The following TOP1 variants were observed in gnomAD, a reference collection of about 807,000 sequenced individuals.
The protein encoded by TOP1 is DNA topoisomerase I, also known as DNA topoisomerase 1.
Under a neutral mutation model 111.1 loss-of-function variants are expected in TOP1, and 10 were observed. The observed-to-expected ratio is 0.09, with a 90% CI of 0.06 to 0.15. The LOEUF is 0.15. Among genes scored for constraint, TOP1 ranks in the 10% least tolerant of loss-of-function variants. The pLI, the probability that TOP1 is intolerant of heterozygous loss-of-function variation, is 1.00. For missense variants in TOP1, 474 were observed against 926.7 expected (o/e 0.51, Z 6.34); for synonymous variants, 271 against 302.9 (o/e 0.89, Z 1.10).
intron 3 of TOP1, among the ~76,000 whole-genome samples, 180 bp from the exon 4 acceptor site, chr20:41,075,986 AAAAAT>A (rs1306917166): frequency 2.6e-5 from 4 of 152,224 alleles, no homozygotes; most frequent in Admixed American, 6.5e-5. Flanking sequence ...TGTTCTTTGC[AAAAAT>A]AAAAACATCA....
rs2122578595 is a variant in TOP1 at position 41,029,500 on chromosome 20, G to A, written c.58+45G>A. On this transcript the variant is annotated intron_variant, in intron 2 of 20. Coordinates refer to ENST00000361337, the MANE Select transcript of TOP1 (RefSeq NM_003286.4). This position sits in a 1 kb window ranked among gnomAD's most constrained non-coding sequence, Gnocchi z 6.1. Reference sequence around the variant, plus strand: ...CGACTCCGGGGCCCCCCAGCCGCCGGCCGCCTCCCCCGCGCCCTGCCGGTG... The same window carrying A: ...CGACTCCGGGGCCCCCCAGCCGCCGACCGCCTCCCCCGCGCCCTGCCGGTG... 6.6e-7 allele frequency: 1 copy of A among 1,513,682 alleles called. No homozygotes were observed. The highest frequency in any genetic ancestry group is 1.2e-5 in the South Asian group (1 of 84,782). The allele number at this position is 1,513,682 out of a possible 1,614,324, so 93.8% of individuals were successfully genotyped here.
Position 41,071,231 on chromosome 20 carries a change from A to T in TOP1, c.156-4940A>T, listed in dbSNP as rs553615350. On this transcript the variant is annotated intron_variant, in intron 3 of 20. Coordinates refer to ENST00000361337, the MANE Select transcript of TOP1 (RefSeq NM_003286.4). This position sits in a 1 kb window ranked among gnomAD's most constrained non-coding sequence, Gnocchi z 4.3. Reference sequence around the variant, plus strand: ...CCACTCTTCTATATAAGTGCCTTAGAGAAACTCTGGTCACCCTTTTCTGTG... The same window carrying T: ...CCACTCTTCTATATAAGTGCCTTAGTGAAACTCTGGTCACCCTTTTCTGTG... Among the ~76,000 whole-genome samples the T allele has an allele frequency of 2.6e-4, 39 of 152,310 alleles. No homozygotes were observed. Among genetic ancestry groups the T allele is most frequent in the African/African-American group, 8.7e-4 (36 of 41,560 alleles).
rs946503659 is a variant in TOP1, at chr20:41,110,786, C to T, written c.1309-1996C>T. 2.0e-5 allele frequency among the ~76,000 whole-genome samples: 3 copies of T among 152,144 alleles called. No individual in the cohort carries two copies. Among genetic ancestry groups the T allele is most frequent in the African/African-American group, 4.8e-5 (2 of 41,408 alleles). ...CTTGAGATGGTTTTGTGAGACCTTG[C>T]CTGGAAGACCTAGGTGGATAGTTTA... On this transcript the variant is annotated intron_variant, in intron 13 of 20. Coordinates refer to ENST00000361337, the MANE Select transcript of TOP1 (RefSeq NM_003286.4). The surrounding 1 kb of genome is among the most constrained non-coding windows in gnomAD (Gnocchi z 4.2).
At chr20:41,056,841 A>G (rs2033478876) in intron 2 of TOP1, among the ~76,000 whole-genome samples, 1 of 152,160 alleles carries the variant, frequency 6.6e-6, no homozygotes, top group Non-Finnish European at 1.5e-5. Context: ...TATTTGTATC[A>G]ATGAGATTAA....
chr20:41,123,295 T>C lies in TOP1; in HGVS notation c.2296T>C (p.Ter766GlnextTer9), dbSNP rs1484269640. 6.2e-7 allele frequency: 1 copy of C among 1,610,062 alleles called. No individual in the cohort carries two copies. Among genetic ancestry groups the C allele is most frequent in the African/African-American group, 1.3e-5 (1 of 74,836 alleles). Residue 766 changes from the stop codon to glutamine, a stop_lost, in exon 21 of 21, where the codon TAG becomes CAG. Coordinates refer to ENST00000361337, the MANE Select transcript of TOP1 (RefSeq NM_003286.4). This position sits in a 1 kb window ranked among gnomAD's most constrained non-coding sequence, Gnocchi z 5.8. ...CATGGCTGATGAAGACTATGAGTTT[T>C]AGCCAGTCTCAAGAGGCAGAGTTCT... ...IDMADEDYEF[*>Q]
intron 2 of TOP1, among the ~76,000 whole-genome samples, chr20:41,044,800 G>A (rs1317218939): frequency 4.6e-5 from 7 of 152,272 alleles, no homozygotes; most frequent in African/African-American, 7.2e-5. Context: ...GAGTGAGAGA[G>A]AGAGAGAGAG....
intron 2 of TOP1, among the ~76,000 whole-genome samples, chr20:41,057,397 A>T (rs991475084): frequency 1.3e-5 from 2 of 152,194 alleles, no homozygotes; most frequent in Non-Finnish European, 2.9e-5. Flanking sequence ...AAAATAAAAA[A>T]AAAAAAGTTA....
chr20:41,065,207 T>C (rs2033592595), intron 3 of TOP1, among the ~76,000 whole-genome samples: 1 of 152,176 alleles, frequency 6.6e-6, no homozygotes, highest in Non-Finnish European at 1.5e-5. Flanking sequence ...GCCCAGCCTT[T>C]TGTATTCATT....
rs911609456 is a variant in TOP1, at chr20:41,102,562, A to C, written c.1308+1209A>C. 6.6e-6 allele frequency among the ~76,000 whole-genome samples: 1 copy of C among 152,206 alleles called. No homozygotes were observed. The highest frequency in any genetic ancestry group is 1.5e-5 in the Non-Finnish European group (1 of 68,028). ...GAGGCAGAGGTCGCAGTGAGCTGAG[A>C]TCACGCCACTGCACTCCAGCCTGGG... is the stretch of plus-strand genomic sequence containing the variant. On this transcript the variant is annotated intron_variant, in intron 13 of 20. Transcript: ENST00000361337. This position sits in a 1 kb window ranked among gnomAD's most constrained non-coding sequence, Gnocchi z 4.0.
At position 41,061,722 on chromosome 20, in the gene TOP1, A is replaced by T. The variant is rs1242683096; in HGVS notation, c.155+232A>T. 6.6e-6 allele frequency among the ~76,000 whole-genome samples: 1 copy of T among 152,214 alleles called. No individual in the cohort carries two copies. Among genetic ancestry groups the T allele is most frequent in the East Asian group, 1.9e-4 (1 of 5,198 alleles). On this transcript the variant is annotated intron_variant, in intron 3 of 20. Coordinates refer to ENST00000361337, the MANE Select transcript of TOP1 (RefSeq NM_003286.4). The surrounding 1 kb of genome is among the most constrained non-coding windows in gnomAD (Gnocchi z 4.6). ...TATGTTTAATTTTCTTTTAATATATACCTCATTAAAAATACAGTTGTTCAC... is the reference window on the plus strand; with the variant it reads ...TATGTTTAATTTTCTTTTAATATATTCCTCATTAAAAATACAGTTGTTCAC...
At position 41,102,653 on chromosome 20, in the gene TOP1, T is replaced by C. The variant is rs947384875; in HGVS notation, c.1308+1300T>C. 1.3e-5 allele frequency among the ~76,000 whole-genome samples: 2 copies of C among 152,196 alleles called. No individual in the cohort carries two copies. Among genetic ancestry groups the C allele is most frequent in the Non-Finnish European group, 2.9e-5 (2 of 68,026 alleles). On this transcript the variant is annotated intron_variant, in intron 13 of 20. Coordinates refer to ENST00000361337, the MANE Select transcript of TOP1 (RefSeq NM_003286.4). This position sits in a 1 kb window ranked among gnomAD's most constrained non-coding sequence, Gnocchi z 4.0. ...ATAAATAAAAATAAAATGTAGTTTT[T>C]GTAGTTTAGATAAGTACAAAATCAG...
Position 41,079,249 on chromosome 20 carries a change from C to T in TOP1, c.336-836C>T, listed in dbSNP as rs2145937022. Among the ~76,000 whole-genome samples, 1 of 152,224 alleles carries T rather than the reference C, an allele frequency of 6.6e-6. No individual in the cohort carries two copies. Among genetic ancestry groups the T allele is most frequent in the East Asian group, 1.9e-4 (1 of 5,180 alleles). Reference sequence around the variant, plus strand: ...CAGGGGGCAGCTGCATGTAAGGAGGCCATTTCTTGTACTAAGTTAAGGCAG... The same window carrying T: ...CAGGGGGCAGCTGCATGTAAGGAGGTCATTTCTTGTACTAAGTTAAGGCAG... On this transcript the variant is annotated intron_variant, in intron 5 of 20. Coordinates refer to ENST00000361337, the MANE Select transcript of TOP1 (RefSeq NM_003286.4). This position sits in a 1 kb window ranked among gnomAD's most constrained non-coding sequence, Gnocchi z 4.0.
chr20:41,068,780 TA>T (rs935959660), intron 3 of TOP1, among the ~76,000 whole-genome samples: 7 of 152,244 alleles, frequency 4.6e-5, no homozygotes, highest in African/African-American at 1.7e-4. Flanking sequence ...TCTCACGAGC[TA>T]CCTTTCTTAA....
intron 2 of TOP1, among the ~76,000 whole-genome samples, chr20:41,051,400 T>G (rs1319607188): frequency 6.6e-6 from 1 of 152,198 alleles, no homozygotes; most frequent in Non-Finnish European, 1.5e-5. Context: ...CCTGATCTGA[T>G]TACCCTAAAA....
rs2034054869 is a variant in TOP1 at position 41,100,975 on chromosome 20, T to C, written c.1164-234T>C. Reference sequence around the variant, plus strand: ...AGAGATTTCATCATGCTCCTCAGAATGATGTGCAATTTAAAACTTACAAAA... The same window carrying C: ...AGAGATTTCATCATGCTCCTCAGAACGATGTGCAATTTAAAACTTACAAAA... On this transcript the variant is annotated intron_variant, in intron 12 of 20. Transcript: ENST00000361337. This position sits in a 1 kb window ranked among gnomAD's most constrained non-coding sequence, Gnocchi z 4.4. 6.6e-6 allele frequency among the ~76,000 whole-genome samples: 1 copy of C among 152,218 alleles called. No homozygotes were observed. Among genetic ancestry groups the C allele is most frequent in the Non-Finnish European group, 1.5e-5 (1 of 68,036 alleles).
intron 2 of TOP1, among the ~76,000 whole-genome samples, chr20:41,040,681 C>T (rs2033251775): frequency 6.6e-6 from 1 of 151,834 alleles, no homozygotes; most frequent in African/African-American, 2.4e-5. Flanking sequence ...TGGCGCATGC[C>T]TGTAGTCCTA....
At chr20:41,073,743 C>T (rs1407761212) in intron 3 of TOP1, among the ~76,000 whole-genome samples, 1 of 152,182 alleles carries the variant, frequency 6.6e-6, no homozygotes, top group African/African-American at 2.4e-5. Context: ...TAAAACCTGC[C>T]TCACAGGAGT....
chr20:41,054,616 G>T (rs1439905718), intron 2 of TOP1, among the ~76,000 whole-genome samples: 1 of 152,182 alleles, frequency 6.6e-6, no homozygotes, highest in African/African-American at 2.4e-5. Flanking sequence ...GCATGGTGCT[G>T]GCACCCGTAT....
At chr20:41,048,631 ATC>A (rs2033363288) in intron 2 of TOP1, among the ~76,000 whole-genome samples, 1 of 152,228 alleles carries the variant, frequency 6.6e-6, no homozygotes, top group African/African-American at 2.4e-5. Context: ...TGACTTTTAA[ATC>A]TGTCACTTAG....
Sources: allele counts gnomAD v4.1 joint callset (sites outside exome capture counted in the v4.1 genomes callset), GRCh38; gene constraint gnomAD v4.1.1; non-coding constraint Gnocchi (gnomAD v3.1); transcripts MANE v1.5; gene names NCBI Gene and HGNC (gene_info 2026-07-23, HGNC 2026-07-21).